The following PRDM2 variants were observed in gnomAD, a reference collection of about 807,000 sequenced individuals.
The protein encoded by PRDM2 is PR domain zinc finger protein 2.
In PRDM2, 30 loss-of-function variants were observed where a neutral mutation model predicts 130.0. That is an observed-to-expected ratio of 0.23 (90% CI 0.17 to 0.31). The LOEUF is 0.31. Ranked by LOEUF, PRDM2 falls within the 10% of genes least tolerant of loss-of-function variation. The pLI, the probability that PRDM2 is intolerant of heterozygous loss-of-function variation, is 1.00. For synonymous variants in PRDM2, 871 were observed against 782.4 expected, an observed-to-expected ratio of 1.11 and a Z score of -1.89; for missense variants, 2,011 against 2,108.4, an observed-to-expected ratio of 0.95 and a Z score of 0.90.
chr1:13,708,583 A>G (rs773278534), intron 1 of PRDM2, among the ~76,000 whole-genome samples: 9 of 152,144 alleles, frequency 5.9e-5, no homozygotes, highest in Non-Finnish European at 1.3e-4. Flanking sequence ...GCATTCGGGG[A>G]GTCAGGGCCT....
At chr1:13,786,724 C>T (rs1227781548) in intron 8 of PRDM2, 18 of 1,428,164 alleles carry the variant, frequency 1.3e-5, no homozygotes, top group Middle Eastern at 1.8e-4. Flanking sequence ...GGGCCCAACG[C>T]GCATGCTGGG....
intron 8 of PRDM2, among the ~76,000 whole-genome samples, chr1:13,795,052 A>G (rs1012353393): frequency 6.6e-6 from 1 of 152,240 alleles, no homozygotes; most frequent in Non-Finnish European, 1.5e-5. Flanking sequence ...CAAAGTGAGA[A>G]AAAAGATGAT....
intron 7 of PRDM2, among the ~76,000 whole-genome samples, chr1:13,774,348 G>C (rs1275207546): frequency 1.3e-5 from 2 of 152,210 alleles, no homozygotes; most frequent in Non-Finnish European, 2.9e-5. Context: ...ACAGGTTTGT[G>C]ACTCTTTTAA....
rs181505712 is a variant in PRDM2 at position 13,815,317 on chromosome 1, C to T, written c.5037-1110C>T. Among the ~76,000 whole-genome samples, 378 of 152,028 alleles carry T rather than the reference C, an allele frequency of 2.5e-3. 1 individual carries two copies. Among genetic ancestry groups the T allele is most frequent in the South Asian group, 0.019 (93 of 4,804 alleles). On this transcript the variant is annotated intron_variant, in intron 8 of 9. Coordinates refer to ENST00000311066, the MANE Select transcript of PRDM2 (RefSeq NM_001393986.1). ...AGTAGAGACAGGGTTTCACCATGTT[C>T]GCCAGGCTGGTCTTGAACTCCTGAC...
At chr1:13,704,406 A>G (rs1557588395) in intron 1 of PRDM2, among the ~76,000 whole-genome samples, 1 of 151,966 alleles carries the variant, frequency 6.6e-6, no homozygotes, top group Non-Finnish European at 1.5e-5. Context: ...GGTTCATGTC[A>G]TGCCTATACT....
intron 8 of PRDM2, chr1:13,786,616 T>C: frequency 6.3e-7 from 1 of 1,585,472 alleles, no homozygotes; most frequent in Non-Finnish European, 8.5e-7. Flanking sequence ...GGATACGAAA[T>C]CTACCAAGCT....
At chr1:13,796,305 G>A (rs889061205) in intron 8 of PRDM2, among the ~76,000 whole-genome samples, 1 of 152,144 alleles carries the variant, frequency 6.6e-6, no homozygotes, top group Admixed American at 6.5e-5. Flanking sequence ...ATATGCTTCT[G>A]TTAATTGTGG....
chr1:13,748,499 G>A (rs1415308121), intron 5 of PRDM2, among the ~76,000 whole-genome samples: 1 of 152,182 alleles, frequency 6.6e-6, no homozygotes, highest in Non-Finnish European at 1.5e-5. Flanking sequence ...GTGGGTTTTA[G>A]ATAGAATTTT....
intron 8 of PRDM2, among the ~76,000 whole-genome samples, chr1:13,795,039 A>G (rs780309080): frequency 2.0e-5 from 3 of 152,210 alleles, no homozygotes; most frequent in African/African-American, 4.8e-5. Flanking sequence ...TCATTTTCCA[A>G]TTCAAAGTGA....
intron 8 of PRDM2, among the ~76,000 whole-genome samples, chr1:13,783,604 T>C (rs1396395123): frequency 6.6e-6 from 1 of 152,192 alleles, no homozygotes; most frequent in African/African-American, 2.4e-5. Flanking sequence ...TTTACTGCTT[T>C]ATTCCCTGTG....
chr1:13,758,946 A>G (rs1644030722), intron 6 of PRDM2, among the ~76,000 whole-genome samples: 1 of 152,178 alleles, frequency 6.6e-6, no homozygotes, highest in African/African-American at 2.4e-5. Flanking sequence ...ACAGTTTATA[A>G]GATAAGAATA....
chr1:13,769,125 G>T (rs768545388), intron 6 of PRDM2: 1 of 985,156 alleles, frequency 1.0e-6, no homozygotes, highest in African/African-American at 1.7e-5. Context: ...TAGACCAAGC[G>T]GAGCAGCCAG....
In PRDM2 at chr1:13,771,407, CAA is replaced by C. The variant is rs761358717; in HGVS notation, c.512-1667_512-1666del. 1.1e-3 allele frequency among the ~76,000 whole-genome samples: 170 copies of C among 152,276 alleles called. 2 individuals carry two copies. Among genetic ancestry groups the C allele is most frequent in the South Asian group, 5.4e-3 (26 of 4,816 alleles). ...GCTCAAACCCTGATAAACGTAGTGG[CAA>C]AAACATCGGATTTCCTATGGGCTGA... is the stretch of plus-strand genomic sequence containing the variant. On this transcript the variant is annotated intron_variant, in intron 6 of 9. Coordinates refer to ENST00000311066, the MANE Select transcript of PRDM2 (RefSeq NM_001393986.1). The surrounding 1 kb of genome is among the most constrained non-coding windows in gnomAD (Gnocchi z 4.1).
intron 6 of PRDM2, among the ~76,000 whole-genome samples, chr1:13,753,629 G>A (rs1207988101): frequency 6.6e-6 from 1 of 152,160 alleles, no homozygotes; most frequent in Non-Finnish European, 1.5e-5. Flanking sequence ...TCAGTCTAAG[G>A]TAGTCTAAAA....
chr1:13,816,708 C>A (rs767576726), intron 9 of PRDM2, 138 bp downstream of exon 9: 3 of 1,205,630 alleles, frequency 2.5e-6, no homozygotes, highest in Non-Finnish European at 3.4e-6. Context: ...TGCAGGGCCT[C>A]CCTCCAGGAG....
chr1:13,793,877 T>A (rs934488600), intron 8 of PRDM2, among the ~76,000 whole-genome samples: 1 of 152,044 alleles, frequency 6.6e-6, no homozygotes, highest in Non-Finnish European at 1.5e-5. Context: ...TATGAATTTG[T>A]GTTGGGCTGC....
rs374180228 is a variant in PRDM2, at chr1:13,778,728, G to T, written c.933G>T (p.Arg311=). The T allele has an allele frequency of 8.8e-4, 1,414 of 1,614,208 alleles. 22 individuals carry two copies. The South Asian group carries it at 0.015, about 17-fold the overall frequency. ...NENSVKEPEI[R]CDEKPEDLLE... Reference sequence around the variant, plus strand: ...ATTCTGTGAAAGAGCCAGAAATACGGTGTGATGAGAAGCCAGAAGATTTAT... The same window carrying T: ...ATTCTGTGAAAGAGCCAGAAATACGTTGTGATGAGAAGCCAGAAGATTTAT... Residue 311 remains arginine, a synonymous_variant, in exon 8 of 10, where the codon CGG becomes CGT. Transcript: ENST00000311066.
chr1:13,732,972 A>G (rs1291758921), intron 4 of PRDM2, 90 bp downstream of exon 4: 11 of 914,964 alleles, frequency 1.2e-5, no homozygotes, highest in South Asian at 3.3e-5. Flanking sequence ...ATTTAAAACA[A>G]TCATTTTAAT....
At chr1:13,721,143 G>A (rs1403484188) in intron 2 of PRDM2, among the ~76,000 whole-genome samples, 1 of 152,030 alleles carries the variant, frequency 6.6e-6, no homozygotes, top group Non-Finnish European at 1.5e-5. Flanking sequence ...GTCTCATTTT[G>A]GTCTTTATAC....
Sources: gnomAD v4.1 joint callset for allele counts (sites outside exome capture counted in the v4.1 genomes callset) on GRCh38, gnomAD v4.1.1 for gene constraint, Gnocchi (gnomAD v3.1) non-coding constraint, MANE v1.5 for transcripts, NCBI Gene and HGNC (gene_info 2026-07-23, HGNC 2026-07-21) for gene names.